PLCXD3: variants seen among roughly 807,000 people sequenced by gnomAD.
PLCXD3 encodes the protein PI-PLC X domain-containing protein 3.
Under a neutral mutation model 25.5 loss-of-function variants are expected in PLCXD3, and 19 were observed. The observed-to-expected ratio is 0.75, with a 90% CI of 0.52 to 1.09. The LOEUF (loss-of-function observed/expected upper bound fraction) is 1.09. PLCXD3 is among the 50% of genes least tolerant of loss of function. PLCXD3 has a pLI of 0.00. For synonymous variants in PLCXD3, 174 were observed against 137.6 expected (o/e 1.26, Z -1.85); for missense variants, 411 against 388.1 (o/e 1.06, Z -0.50).
At chr5:41,373,596 G>A (rs1411517274) in intron 2 of PLCXD3, among the ~76,000 whole-genome samples, 6 of 152,018 alleles carry the variant, frequency 3.9e-5, no homozygotes, top group East Asian at 1.9e-4. Flanking sequence ...CCCGCAGGCC[G>A]CAATCCTTTG....
intron 1 of PLCXD3, among the ~76,000 whole-genome samples, chr5:41,401,610 C>T (rs940025273): frequency 6.6e-6 from 1 of 152,016 alleles, no homozygotes; most frequent in Non-Finnish European, 1.5e-5. Flanking sequence ...TCAGATGGCT[C>T]CCAGTGATCT....
At chr5:41,348,784 C>CT (rs1744373001) in intron 2 of PLCXD3, among the ~76,000 whole-genome samples, 2 of 152,080 alleles carry the variant, frequency 1.3e-5, no homozygotes. Flanking sequence ...AGACCTGCAG[C>CT]TGATACCATG....
intron 1 of PLCXD3, among the ~76,000 whole-genome samples, chr5:41,416,533 A>G (rs949324874): frequency 6.6e-6 from 1 of 152,206 alleles, no homozygotes; most frequent in Non-Finnish European, 1.5e-5. Flanking sequence ...AAACCAGTGT[A>G]GTGCCCAGGG....
intron 2 of PLCXD3, among the ~76,000 whole-genome samples, chr5:41,367,344 A>G (rs1453755224): frequency 6.6e-6 from 1 of 152,140 alleles, no homozygotes; most frequent in East Asian, 1.9e-4. Context: ...GACTGGCATG[A>G]GATGGTATCT....
chr5:41,437,967 C>A (rs751009964), intron 1 of PLCXD3, among the ~76,000 whole-genome samples: 21 of 152,152 alleles, frequency 1.4e-4, no homozygotes, highest in Non-Finnish European at 1.8e-4. Context: ...ATTCCCCAGC[C>A]CCTCTTGGAG....
intron 1 of PLCXD3, among the ~76,000 whole-genome samples, chr5:41,431,360 A>G (rs913305201): frequency 1.3e-5 from 2 of 152,212 alleles, no homozygotes; most frequent in African/African-American, 2.4e-5. Context: ...AAGTTAAAAG[A>G]CACACTAAGT....
intron 1 of PLCXD3, among the ~76,000 whole-genome samples, chr5:41,410,139 A>ATATTTTTTT (rs1561265004): frequency 1.0e-5 from 1 of 97,088 alleles, no homozygotes; most frequent in Non-Finnish European, 2.0e-5. Context: ...CCTTTTATTT[A>ATATTTTTTT]TCTTTTTTTT....
intron 1 of PLCXD3, among the ~76,000 whole-genome samples, chr5:41,457,844 G>C (rs569930159): frequency 6.6e-6 from 1 of 151,958 alleles, no homozygotes; most frequent in South Asian, 2.1e-4. Flanking sequence ...CCTATCCTCT[G>C]TACACCATTG....
chr5:41,452,071 G>T (rs1247747864), intron 1 of PLCXD3, among the ~76,000 whole-genome samples: 9 of 152,048 alleles, frequency 5.9e-5, no homozygotes, highest in Admixed American at 5.2e-4. Flanking sequence ...ATTGGTGCCA[G>T]AAGGAGGAGC....
intron 1 of PLCXD3, among the ~76,000 whole-genome samples, chr5:41,468,009 C>CTTTTTTT (rs145732089): frequency 2.3e-4 from 12 of 52,426 alleles, no homozygotes; most frequent in Admixed American, 3.1e-4. Flanking sequence ...CAGCTTTATT[C>CTTTTTTT]TTTTTTTTTT....
rs546330799 is a variant in PLCXD3, at chr5:41,311,526, C to T, written c.*2091G>A. 6.6e-6 allele frequency: 1 copy of T among 151,978 alleles called. No homozygotes were observed. The highest frequency in any genetic ancestry group is 2.4e-5 in the African/African-American group (1 of 41,464). 9.4% of individuals were successfully genotyped at this position (151,978 alleles called of 1,614,324 possible). On this transcript the variant is annotated 3_prime_UTR_variant, in exon 3 of 3. Coordinates refer to ENST00000377801, the MANE Select transcript of PLCXD3 (RefSeq NM_001005473.3). ...TTGAAAAGAAGAATTGTACTGTGTC[C>T]ATATCTGTGTGTGTTTCTGTATGTT...
intron 2 of PLCXD3, among the ~76,000 whole-genome samples, chr5:41,359,658 T>A (rs1350314475): frequency 6.6e-6 from 1 of 152,224 alleles, no homozygotes; most frequent in Admixed American, 6.5e-5. Context: ...ATTTCATTTA[T>A]CTTTTCAAAG....
At chr5:41,394,146 G>C (rs1745926414) in intron 1 of PLCXD3, among the ~76,000 whole-genome samples, 1 of 152,074 alleles carries the variant, frequency 6.6e-6, no homozygotes, top group African/African-American at 2.4e-5. Context: ...AAAAAGCAGG[G>C]AGACAAAGTT....
chr5:41,346,824 C>T (rs1414916718), intron 2 of PLCXD3, among the ~76,000 whole-genome samples: 1 of 152,136 alleles, frequency 6.6e-6, no homozygotes, highest in Non-Finnish European at 1.5e-5. Flanking sequence ...TCTTGTGGCT[C>T]ATTTATTTTT....
intron 1 of PLCXD3, among the ~76,000 whole-genome samples, chr5:41,445,062 A>G (rs903191273): frequency 6.6e-6 from 1 of 152,242 alleles, no homozygotes; most frequent in African/African-American, 2.4e-5. Flanking sequence ...ACACAGCTCC[A>G]GAAAAAATAA....
intron 1 of PLCXD3, among the ~76,000 whole-genome samples, chr5:41,477,521 C>T (rs1285286185): frequency 6.6e-6 from 1 of 152,040 alleles, no homozygotes; most frequent in Non-Finnish European, 1.5e-5. Flanking sequence ...TTAAAGAGTA[C>T]ATCAAAGAAT....
intron 1 of PLCXD3, among the ~76,000 whole-genome samples, chr5:41,443,734 A>C (rs1415732179): frequency 2.6e-5 from 4 of 152,188 alleles, no homozygotes; most frequent in Non-Finnish European, 5.9e-5. Flanking sequence ...GGATGTGTTG[A>C]TAAAATAAAA....
chr5:41,460,086 C>A (rs187565105), intron 1 of PLCXD3, among the ~76,000 whole-genome samples: 11 of 151,982 alleles, frequency 7.2e-5, no homozygotes, highest in African/African-American at 2.7e-4. Context: ...CCTATGTTTT[C>A]CACACAAAGA....
chr5:41,416,849 C>T (rs1466641030), intron 1 of PLCXD3, among the ~76,000 whole-genome samples: 5 of 152,104 alleles, frequency 3.3e-5, no homozygotes. Flanking sequence ...TGTAGCAGAG[C>T]CCCAGAGTAC....
Sources: allele counts gnomAD v4.1 joint callset (sites outside exome capture counted in the v4.1 genomes callset), GRCh38; gene constraint gnomAD v4.1.1; transcripts MANE v1.5; gene names NCBI Gene and HGNC (gene_info 2026-07-23, HGNC 2026-07-21).